The following CDH4 variants were observed in gnomAD, a reference collection of about 807,000 sequenced individuals.
CDH4 encodes the protein cadherin-4.
In CDH4, 33 loss-of-function variants were observed where a neutral mutation model predicts 86.0. The ratio of observed to expected loss-of-function variants is 0.38; its 90% CI spans 0.29 to 0.51. The LOEUF is 0.51. CDH4 is among the 20% of genes least tolerant of loss of function. The probability of loss-of-function intolerance (pLI) is 0.86; values close to 1 mark genes in which losing one functional copy is unlikely to be tolerated. For missense variants in CDH4, 1,114 were observed against 1,307.4 expected (o/e 0.85, Z 2.28); for synonymous variants, 555 against 549.4 (o/e 1.01, Z -0.14).
chr20:61,723,928 A>AGGT (rs2088076032), intron 2 of CDH4, among the ~76,000 whole-genome samples: 1 of 124,050 alleles, frequency 8.1e-6, no homozygotes, highest in African/African-American at 3.1e-5. Flanking sequence ...TCCATGTGGC[A>AGGT]GGGGGGTAGG....
chr20:61,442,941 C>T (rs781308874), intron 2 of CDH4, among the ~76,000 whole-genome samples: 10 of 152,242 alleles, frequency 6.6e-5, no homozygotes, highest in East Asian at 1.9e-4. Flanking sequence ...TGTCCCTGGC[C>T]GCCACCCTTT....
At chr20:61,749,081 A>G (rs533884932) in intron 3 of CDH4, among the ~76,000 whole-genome samples, 14 of 152,194 alleles carry the variant, frequency 9.2e-5, no homozygotes, top group Non-Finnish European at 1.6e-4. Flanking sequence ...AAGCTAGTGG[A>G]CTCTGTTAAT....
chr20:61,889,493 TGATG>T (rs1568868946), intron 7 of CDH4, among the ~76,000 whole-genome samples: 3 of 139,912 alleles, frequency 2.1e-5, no homozygotes, highest in Non-Finnish European at 3.1e-5. Flanking sequence ...AGTGAGTGGA[TGATG>T]GATGGATGAT....
At chr20:61,631,841 G>A (rs889249638) in intron 2 of CDH4, among the ~76,000 whole-genome samples, 5 of 152,322 alleles carry the variant, frequency 3.3e-5, no homozygotes, top group Admixed American at 1.3e-4. Context: ...GCGTCCTCCG[G>A]CCGGTAGTAA....
chr20:61,532,230 C>T (rs754339001), intron 2 of CDH4, among the ~76,000 whole-genome samples: 7 of 152,236 alleles, frequency 4.6e-5, no homozygotes, highest in African/African-American at 1.4e-4. Context: ...CCCTGAGCAC[C>T]GTGAGTTTGC....
intron 5 of CDH4, among the ~76,000 whole-genome samples, chr20:61,849,553 G>A (rs558771542): frequency 4.4e-4 from 67 of 151,910 alleles, no homozygotes; most frequent in African/African-American, 1.5e-3. Context: ...TAGGCTCACC[G>A]GCCTGGGTGC....
chr20:61,659,352 C>T (rs189129332), intron 2 of CDH4, among the ~76,000 whole-genome samples: 66 of 152,230 alleles, frequency 4.3e-4, no homozygotes, highest in African/African-American at 1.5e-3. Context: ...CATTTAAAAC[C>T]AGGGAAGGCA....
chr20:61,572,673 A>G (rs1446626472), intron 2 of CDH4, among the ~76,000 whole-genome samples: 1 of 152,218 alleles, frequency 6.6e-6, no homozygotes, highest in Non-Finnish European at 1.5e-5. Context: ...GAAAGGCTCC[A>G]TATTTCCACC....
chr20:61,421,682 A>T (rs1331381715), intron 2 of CDH4, among the ~76,000 whole-genome samples: 1 of 152,058 alleles, frequency 6.6e-6, no homozygotes, highest in Non-Finnish European at 1.5e-5. Flanking sequence ...CTTCCTTGAC[A>T]TTTATGACAC....
intron 6 of CDH4, among the ~76,000 whole-genome samples, chr20:61,861,930 C>T (rs1179339133): frequency 6.6e-6 from 1 of 152,164 alleles, no homozygotes; most frequent in Non-Finnish European, 1.5e-5. Flanking sequence ...GTTGAGAAAC[C>T]CAGAGATACA....
chr20:61,845,779 A>G (rs76499852), intron 5 of CDH4, among the ~76,000 whole-genome samples: 2,519 of 152,310 alleles, frequency 0.017, 31 homozygotes, highest in Middle Eastern at 0.031. Flanking sequence ...GGGAACAACC[A>G]TGGAAGACTT....
intron 2 of CDH4, among the ~76,000 whole-genome samples, chr20:61,743,080 C>A (rs2088363722): frequency 6.6e-6 from 1 of 152,226 alleles, no homozygotes; most frequent in Non-Finnish European, 1.5e-5. Flanking sequence ...GAATGGTCCC[C>A]AGATGCCAGC....
intron 9 of CDH4, among the ~76,000 whole-genome samples, chr20:61,917,577 T>C (rs527887232): frequency 3.9e-4 from 59 of 152,322 alleles, no homozygotes; most frequent in African/African-American, 1.3e-3. Flanking sequence ...AGTGAGACTT[T>C]GAATGGAAGC....
At chr20:61,661,084 CGG>C (rs56367674) in intron 2 of CDH4, among the ~76,000 whole-genome samples, 1,637 of 74,864 alleles carry the variant, frequency 0.022, 222 homozygotes, top group African/African-American at 0.062. Context: ...GGAGGCATGG[CGG>C]GGGGGGGGGA....
chr20:61,874,194 C>T (rs1311132227), intron 7 of CDH4, among the ~76,000 whole-genome samples: 1 of 151,950 alleles, frequency 6.6e-6, no homozygotes, highest in African/African-American at 2.4e-5. Flanking sequence ...GGGGTCTAGC[C>T]GCAGCTGCAC....
In CDH4 at chr20:61,681,223, G is replaced by A. The variant is rs991459899; in HGVS notation, c.170-62340G>A. On this transcript the variant is annotated intron_variant, in intron 2 of 15. Transcript: ENST00000614565. This position sits in a 1 kb window ranked among gnomAD's most constrained non-coding sequence, Gnocchi z 4.5. Reference sequence around the variant, plus strand: ...TCAGCCACACACAGTCAAATTTGAGGCATAATTTGCTGTGAATTACCTACA... The same window carrying A: ...TCAGCCACACACAGTCAAATTTGAGACATAATTTGCTGTGAATTACCTACA... Among the ~76,000 whole-genome samples the A allele has an allele frequency of 1.3e-4, 20 of 152,232 alleles. No individual in the cohort carries two copies. The highest frequency in any genetic ancestry group is 4.6e-4 in the African/African-American group (19 of 41,532).
intron 2 of CDH4, among the ~76,000 whole-genome samples, chr20:61,648,901 A>C (rs144204312): frequency 3.0e-4 from 45 of 152,224 alleles, no homozygotes; most frequent in African/African-American, 1.1e-3. Context: ...TATGGGAAGG[A>C]GTTTGTCCTG....
At chr20:61,640,644 G>A (rs770209932) in intron 2 of CDH4, among the ~76,000 whole-genome samples, 64 of 152,182 alleles carry the variant, frequency 4.2e-4, no homozygotes, top group Non-Finnish European at 7.6e-4. Context: ...GCTTCGAGAC[G>A]GACTGGAGAT....
At chr20:61,317,702 A>G (rs544267749) in intron 2 of CDH4, among the ~76,000 whole-genome samples, 6 of 152,092 alleles carry the variant, frequency 3.9e-5, no homozygotes, top group Non-Finnish European at 8.8e-5. Flanking sequence ...ATGCCTCTAG[A>G]TGTTGCCCAG....
Sources: allele counts gnomAD v4.1 joint callset (sites outside exome capture counted in the v4.1 genomes callset), GRCh38; gene constraint gnomAD v4.1.1; non-coding constraint Gnocchi (gnomAD v3.1); transcripts MANE v1.5; gene names NCBI Gene and HGNC (gene_info 2026-07-23, HGNC 2026-07-21).